CRLF3: variants seen among roughly 807,000 people sequenced by gnomAD.
The protein encoded by CRLF3 is cytokine receptor like factor 3.
Under a neutral mutation model 55.0 loss-of-function variants are expected in CRLF3, and 33 were observed. The observed-to-expected ratio is 0.60, with a 90% CI of 0.46 to 0.80. The LOEUF is 0.80. CRLF3 is among the 30% of genes least tolerant of loss of function. The pLI is 0.00. For synonymous variants in CRLF3, 238 were observed against 196.8 expected (o/e 1.21, Z -1.75); for missense variants, 494 against 538.4 (o/e 0.92, Z 0.82).
rs1170581496 is a variant in CRLF3, at chr17:30,784,176, C to T, written c.*11G>A. The T allele has an allele frequency of 8.1e-6, 13 of 1,607,702 alleles. No homozygotes were observed. The highest frequency in any genetic ancestry group is 1.1e-5 in the Non-Finnish European group (13 of 1,176,778). ...TTAGACCCTGAAAACCAAAGCCAAG[C>T]ACCCAAACATCTAAAACACTAACAC... On this transcript the variant is annotated 3_prime_UTR_variant, in exon 8 of 8. Coordinates refer to ENST00000324238, the MANE Select transcript of CRLF3 (RefSeq NM_015986.4).
chr17:30,808,336 G>A (rs1191167559), intron 1 of CRLF3, among the ~76,000 whole-genome samples: 1 of 128,412 alleles, frequency 7.8e-6, no homozygotes, highest in Non-Finnish European at 1.5e-5. Context: ...TACCCAGGCT[G>A]CAGTGCAATG....
At chr17:30,786,113 G>A in intron 6 of CRLF3, 82 bp from the exon 7 acceptor site, 1 of 771,326 alleles carries the variant, frequency 1.3e-6, no homozygotes, top group South Asian at 1.5e-5. Context: ...CTTAAAAAGA[G>A]CAATCTCACC....
intron 1 of CRLF3, among the ~76,000 whole-genome samples, chr17:30,807,226 CTT>C (rs1190082245): frequency 6.6e-6 from 1 of 151,822 alleles, no homozygotes; most frequent in Non-Finnish European, 1.5e-5. Context: ...CACCATAACC[CTT>C]TTGTTAACTT....
chr17:30,821,216 T>A (rs1490989396), intron 1 of CRLF3, among the ~76,000 whole-genome samples: 1 of 151,684 alleles, frequency 6.6e-6, no homozygotes, highest in African/African-American at 2.4e-5. Context: ...GGCACGTGCC[T>A]GTAGTCCCAG....
chr17:30,784,480 C>T (rs1971588688), intron 7 of CRLF3, 37 bp from the exon 8 acceptor site: 1 of 1,556,198 alleles, frequency 6.4e-7, no homozygotes, highest in African/African-American at 1.4e-5. Context: ...TACATGTGAG[C>T]AATAACTAAG....
intron 1 of CRLF3, among the ~76,000 whole-genome samples, chr17:30,813,756 C>G (rs575459673): frequency 8.6e-5 from 12 of 139,940 alleles, no homozygotes; most frequent in East Asian, 2.4e-4. Flanking sequence ...ATCCCTCCCC[C>G]CTCCCCACAC....
At chr17:30,789,913 C>CTTAT (rs2142246043) in intron 6 of CRLF3, among the ~76,000 whole-genome samples, 1 of 152,036 alleles carries the variant, frequency 6.6e-6, no homozygotes, top group Non-Finnish European at 1.5e-5. Context: ...AAACAAGGGA[C>CTTAT]ATAAGCAGAG....
In CRLF3 at chr17:30,784,103, C is replaced by CTT; in HGVS notation, c.*82_*83dup. The CTT allele has an allele frequency of 1.6e-6, 2 of 1,267,886 alleles. No individual in the cohort carries two copies. Among genetic ancestry groups the CTT allele is most frequent in the Non-Finnish European group, 2.2e-6 (2 of 918,508 alleles). The allele number at this position is 1,267,886 out of a possible 1,614,324, so 78.5% of individuals were successfully genotyped here. ...TGGCCTAAGTTAGAGATGAATTCAA[C>CTT]TTTTTTTTTAAAGCAATTACAACTA... On this transcript the variant is annotated 3_prime_UTR_variant, in exon 8 of 8. Coordinates refer to ENST00000324238, the MANE Select transcript of CRLF3 (RefSeq NM_015986.4).
At chr17:30,823,018 C>T (rs1173088498) in intron 1 of CRLF3, among the ~76,000 whole-genome samples, 3 of 151,998 alleles carry the variant, frequency 2.0e-5, no homozygotes. Context: ...CCGGTTTCGC[C>T]ACTAAAATGC....
In CRLF3 at chr17:30,808,277, A is replaced by ATTTTTTTTTTTTTTTTTTTTT. The variant is rs71138901; in HGVS notation, c.130-4190_130-4170dup. ...TTCCTCCTCCTCCCCTAGAACCTAT[A>ATTTTTTTTTTTTTTTTTTTTT]TTTTTTTTTTTTTTTTTTTTTTTTT... On this transcript the variant is annotated intron_variant, in intron 1 of 7. Coordinates refer to ENST00000324238, the MANE Select transcript of CRLF3 (RefSeq NM_015986.4). Among the ~76,000 whole-genome samples the ATTTTTTTTTTTTTTTTTTTTT allele has an allele frequency of 3.6e-5, 2 of 54,862 alleles. 1 individual carries two copies. The highest frequency in any genetic ancestry group is 7.1e-5 in the Non-Finnish European group (2 of 27,990). 36.0% of individuals were successfully genotyped at this position (54,862 alleles called of 152,430 possible).
intron 6 of CRLF3, among the ~76,000 whole-genome samples, chr17:30,788,590 T>C (rs577958467): frequency 7.0e-6 from 1 of 143,274 alleles, no homozygotes; most frequent in South Asian, 2.2e-4. Flanking sequence ...AATAACAAAG[T>C]AGTGCCTTCT....
intron 1 of CRLF3, among the ~76,000 whole-genome samples, chr17:30,819,040 C>A (rs1236225136): frequency 1.3e-5 from 2 of 152,022 alleles, no homozygotes; most frequent in Non-Finnish European, 1.5e-5. Context: ...TGGTCTCAAA[C>A]TCCTGATCTC....
intron 6 of CRLF3, among the ~76,000 whole-genome samples, chr17:30,788,599 CTTTTTTTT>C (rs1159336036): frequency 1.3e-3 from 102 of 80,040 alleles, no homozygotes; most frequent in African/African-American, 2.7e-3. Flanking sequence ...GTAGTGCCTT[CTTTTTTTT>C]TTTTTTTTTT....
chr17:30,786,012 G>A lies in CRLF3; in HGVS notation c.979C>T (p.Pro327Ser). The A allele has an allele frequency of 3.1e-6, 5 of 1,606,554 alleles. No individual in the cohort carries two copies. The highest frequency in any genetic ancestry group is 4.3e-6 in the Non-Finnish European group (5 of 1,173,878). ...LTFRVETVGQ[P>S]DRRDSIGVCA... ...ACTCCTATGCTATCTCTTCTGTCTGGCTGTCCCACAGTTTCAACTCTGTAA... is the reference window on the plus strand; with the variant it reads ...ACTCCTATGCTATCTCTTCTGTCTGACTGTCCCACAGTTTCAACTCTGTAA... Residue 327 changes from proline (P) to serine (S), a missense_variant, in exon 7 of 8, where the codon CCA becomes TCA. Coordinates refer to ENST00000324238, the MANE Select transcript of CRLF3 (RefSeq NM_015986.4).
At chr17:30,792,265 C>T in intron 6 of CRLF3, 175 bp downstream of exon 6, 1 of 529,980 alleles carries the variant, frequency 1.9e-6, no homozygotes, top group Non-Finnish European at 3.4e-6. Flanking sequence ...ACGTAATAAC[C>T]CTGTGAATAC....
At chr17:30,790,036 T>A (rs772855528) in intron 6 of CRLF3, among the ~76,000 whole-genome samples, 1 of 152,138 alleles carries the variant, frequency 6.6e-6, no homozygotes, top group Non-Finnish European at 1.5e-5. Flanking sequence ...ATTTTTCTGT[T>A]TACTGAGTCA....
At chr17:30,803,643 G>A (rs1972040118) in intron 2 of CRLF3, 1 of 426,200 alleles carries the variant, frequency 2.3e-6, no homozygotes, top group South Asian at 2.5e-5. Context: ...CACTGTTCTT[G>A]GTAGTGAATA....
intron 2 of CRLF3, among the ~76,000 whole-genome samples, chr17:30,798,356 CAA>C (rs1971955879): frequency 6.6e-6 from 1 of 150,894 alleles, no homozygotes; most frequent in Non-Finnish European, 1.5e-5. Context: ...CCAGCCTGGG[CAA>C]AAGAGCGAGA....
intron 1 of CRLF3, among the ~76,000 whole-genome samples, chr17:30,818,322 G>T (rs1904874820): frequency 6.6e-6 from 1 of 151,916 alleles, no homozygotes; most frequent in Non-Finnish European, 1.5e-5. Flanking sequence ...CCTTTTCTTA[G>T]AATACTATAA....
Sources: gnomAD v4.1 joint callset for allele counts (sites outside exome capture counted in the v4.1 genomes callset) on GRCh38, gnomAD v4.1.1 for gene constraint, MANE v1.5 for transcripts, NCBI Gene and HGNC (gene_info 2026-07-23, HGNC 2026-07-21) for gene names.